The following CBFB variants were observed in gnomAD, a reference collection of about 807,000 sequenced individuals.
CBFB encodes the protein CBF-beta.
A neutral mutation model predicts 30.4 loss-of-function variants in CBFB; 9 were observed. The observed-to-expected ratio is 0.30, with a 90% CI of 0.18 to 0.52. CBFB has a LOEUF of 0.52. Among genes scored for constraint, CBFB ranks in the 20% least tolerant of loss-of-function variants. CBFB has a pLI of 0.97. For missense variants in CBFB, 170 were observed against 244.0 expected, an observed-to-expected ratio of 0.70 and a Z score of 2.02; for synonymous variants, 94 against 84.0, an observed-to-expected ratio of 1.12 and a Z score of -0.65.
In CBFB at chr16:67,036,601, C is replaced by T. The variant is rs755374960; in HGVS notation, c.166-38C>T. On this transcript the variant is annotated intron_variant, in intron 2 of 5. Coordinates refer to ENST00000412916, the MANE Select transcript of CBFB (RefSeq NM_022845.3). ...ACTGCTTGCATAATTTATGTAATGTCCTGCTCCTGATCCTGTTTGTATTGA... is the reference window on the plus strand; with the variant it reads ...ACTGCTTGCATAATTTATGTAATGTTCTGCTCCTGATCCTGTTTGTATTGA... The T allele has an allele frequency of 8.0e-6, 9 of 1,128,208 alleles. No individual in the cohort carries two copies. In the Middle Eastern group the frequency reaches 5.8e-4, roughly 73 times the overall value. The allele number at this position is 1,128,208 out of a possible 1,614,324, so 69.9% of individuals were successfully genotyped here. A position where few individuals can be genotyped will look rare whatever the true frequency, so the allele number is the denominator to read the frequency against.
At chr16:67,096,854 G>A (rs955943352) in intron 5 of CBFB, among the ~76,000 whole-genome samples, 1 of 149,790 alleles carries the variant, frequency 6.7e-6, no homozygotes, top group Admixed American at 6.7e-5. Flanking sequence ...GGCGCCTGTA[G>A]TCCCAGCTAC....
intron 3 of CBFB, among the ~76,000 whole-genome samples, chr16:67,063,069 G>T (rs537759884): frequency 6.6e-6 from 1 of 152,262 alleles, no homozygotes; most frequent in African/African-American, 2.4e-5. Context: ...CTTCATGAGA[G>T]ATGGTAAATC....
At chr16:67,041,974 C>T (rs1187923160) in intron 3 of CBFB, among the ~76,000 whole-genome samples, 8 of 150,886 alleles carry the variant, frequency 5.3e-5, no homozygotes, top group Non-Finnish European at 1.2e-4. Context: ...GTGGCGCCGT[C>T]ATGGCTCACT....
chr16:67,048,108 C>T (rs914706617), intron 3 of CBFB, among the ~76,000 whole-genome samples: 1 of 151,804 alleles, frequency 6.6e-6, no homozygotes, highest in Non-Finnish European at 1.5e-5. Flanking sequence ...GGCGTGGTGT[C>T]GCATGCCTCT....
chr16:67,035,131 GCA>G (rs1040652265), intron 2 of CBFB, among the ~76,000 whole-genome samples: 14 of 151,946 alleles, frequency 9.2e-5, no homozygotes, highest in Admixed American at 9.2e-4. Flanking sequence ...CCAGGCTGGA[GCA>G]CAGTGGTGCA....
At chr16:67,068,822 C>A (rs1042144257) in intron 4 of CBFB, among the ~76,000 whole-genome samples, 2 of 152,132 alleles carry the variant, frequency 1.3e-5, no homozygotes, top group Admixed American at 6.6e-5. Flanking sequence ...AAGGAAAATT[C>A]TTTCCTTTTA....
At chr16:67,037,195 C>A (rs867593062) in intron 3 of CBFB, among the ~76,000 whole-genome samples, 1 of 152,130 alleles carries the variant, frequency 6.6e-6, no homozygotes, top group Non-Finnish European at 1.5e-5. Context: ...CTGTGCCCGG[C>A]CAATATAATT....
chr16:67,050,866 T>C (rs1026108367), intron 3 of CBFB, among the ~76,000 whole-genome samples: 3 of 152,080 alleles, frequency 2.0e-5, no homozygotes, highest in Admixed American at 6.6e-5. Flanking sequence ...AAAATTAAGG[T>C]TATTTGAACA....
At chr16:67,098,456 T>A (rs770771739) in intron 5 of CBFB, among the ~76,000 whole-genome samples, 1 of 152,196 alleles carries the variant, frequency 6.6e-6, no homozygotes, top group African/African-American at 2.4e-5. Flanking sequence ...TTGTTATTTC[T>A]TATGTAGTAC....
In CBFB at chr16:67,082,294, C is replaced by A. The variant is rs753789494; in HGVS notation, c.481C>A (p.Arg161=). ...REFEDRDRSH[R]EEMEARRQQD... Reference sequence around the variant, plus strand: ...ATTTGAAGATAGAGACAGGTCTCATCGGGAGGAAATGGAGGTGAGAGTTTC... The same window carrying A: ...ATTTGAAGATAGAGACAGGTCTCATAGGGAGGAAATGGAGGTGAGAGTTTC... Residue 161 remains arginine, a synonymous_variant, in exon 5 of 6, where the codon CGG becomes AGG. Transcript: ENST00000412916. 2 of 1,612,152 alleles carry A rather than the reference C, an allele frequency of 1.2e-6. No individual in the cohort carries two copies. Among genetic ancestry groups the A allele is most frequent in the Non-Finnish European group, 1.7e-6 (2 of 1,178,620 alleles).
intron 3 of CBFB, among the ~76,000 whole-genome samples, chr16:67,058,563 A>G (rs1288171748): frequency 1.3e-5 from 2 of 152,192 alleles, no homozygotes; most frequent in African/African-American, 2.4e-5. Flanking sequence ...AACTCATCAT[A>G]TATCCCCACT....
intron 4 of CBFB, among the ~76,000 whole-genome samples, chr16:67,067,560 T>C (rs1042054853): frequency 6.6e-6 from 1 of 152,062 alleles, no homozygotes; most frequent in African/African-American, 2.4e-5. Context: ...TAAGGCCTCA[T>C]GGAAGCTATT....
intron 3 of CBFB, among the ~76,000 whole-genome samples, chr16:67,059,130 TGTAAA>T (rs1960814705): frequency 6.6e-6 from 1 of 152,186 alleles, no homozygotes; most frequent in South Asian, 2.1e-4. Flanking sequence ...TATATAGTAT[TGTAAA>T]GGAAAAGACA....
chr16:67,047,147 T>TA (rs765428177), intron 3 of CBFB, among the ~76,000 whole-genome samples: 183 of 134,856 alleles, frequency 1.4e-3, no homozygotes, highest in Middle Eastern at 3.7e-3. Flanking sequence ...CCGTCTCTAC[T>TA]AAAAAAAAAA....
chr16:67,064,446 C>G (rs747812337), intron 3 of CBFB, among the ~76,000 whole-genome samples: 1 of 152,098 alleles, frequency 6.6e-6, no homozygotes, highest in African/African-American at 2.4e-5. Flanking sequence ...ATCTTGTGAT[C>G]CACCCGCCTC....
At chr16:67,077,421 G>A (rs535042971) in intron 4 of CBFB, among the ~76,000 whole-genome samples, 3 of 152,298 alleles carry the variant, frequency 2.0e-5, no homozygotes, top group South Asian at 4.1e-4. Context: ...GCACAAAAAC[G>A]TGGGTGAAAT....
At chr16:67,032,034 T>C (rs1966360141) in intron 2 of CBFB, among the ~76,000 whole-genome samples, 1 of 152,170 alleles carries the variant, frequency 6.6e-6, no homozygotes, top group African/African-American at 2.4e-5. Context: ...AGCTGAATTT[T>C]TTTGGAAATT....
chr16:67,079,483 A>G (rs368692048), intron 4 of CBFB, among the ~76,000 whole-genome samples: 5 of 151,290 alleles, frequency 3.3e-5, no homozygotes, highest in South Asian at 2.1e-4. Flanking sequence ...TGGTATAGCA[A>G]GCACTTAATT....
At chr16:67,033,321 C>T (rs896275008) in intron 2 of CBFB, among the ~76,000 whole-genome samples, 3 of 152,110 alleles carry the variant, frequency 2.0e-5, no homozygotes, top group Admixed American at 6.6e-5. Context: ...GAACACAGGT[C>T]GAAGAATCTG....
Sources: gnomAD v4.1 joint callset for allele counts (sites outside exome capture counted in the v4.1 genomes callset) on GRCh38, gnomAD v4.1.1 for gene constraint, MANE v1.5 for transcripts, NCBI Gene and HGNC (gene_info 2026-07-23, HGNC 2026-07-21) for gene names.